The following PTPRN2 variants were observed in gnomAD, a reference collection of about 807,000 sequenced individuals.
PTPRN2 encodes the protein protein tyrosine phosphatase receptor type N2.
PTPRN2 carries 74 observed loss-of-function variants against 118.8 expected under a neutral mutation model. The observed-to-expected ratio is 0.62, with a 90% CI of 0.52 to 0.76. The LOEUF (loss-of-function observed/expected upper bound fraction) is 0.76, where lower values mean the gene tolerates loss of function less well. Ranked by LOEUF, PTPRN2 falls within the 30% of genes least tolerant of loss-of-function variation. The probability of loss-of-function intolerance (pLI) is 0.00; values close to 1 mark genes in which losing one functional copy is unlikely to be tolerated. For synonymous variants in PTPRN2, 641 were observed against 608.0 expected, an observed-to-expected ratio of 1.05 and a Z score of -0.80; for missense variants, 1,481 against 1,394.4, an observed-to-expected ratio of 1.06 and a Z score of -0.99.
chr7:157,628,564 C>T (rs928005995), intron 14 of PTPRN2, among the ~76,000 whole-genome samples: 4 of 152,210 alleles, frequency 2.6e-5, no homozygotes, highest in Non-Finnish European at 4.4e-5. Context: ...TACTTTTTGG[C>T]GTGGAGCCTT....
intron 2 of PTPRN2, among the ~76,000 whole-genome samples, chr7:158,369,622 C>T (rs956315360): frequency 3.3e-5 from 5 of 152,164 alleles, no homozygotes; most frequent in African/African-American, 1.2e-4. Context: ...GCCCTGATTA[C>T]ACATTTCCCG....
intron 2 of PTPRN2, among the ~76,000 whole-genome samples, chr7:158,340,976 C>G (rs1266741643): frequency 1.2e-5 from 1 of 82,570 alleles, no homozygotes; most frequent in East Asian, 3.7e-4. Flanking sequence ...AGATGTCACT[C>G]ACACCCACAC....
rs188895816 is a variant in PTPRN2, at chr7:157,944,565, A to G, written c.1724-45828T>C. On this transcript the variant is annotated intron_variant, in intron 11 of 22. Transcript: ENST00000389418. The surrounding 1 kb of genome is among the most constrained non-coding windows in gnomAD (Gnocchi z 4.3). ...GCAAATATAATAATTGTTTGAAAGC[A>G]TAACATTTAAATCAGAAGCATCCCT... is the stretch of plus-strand genomic sequence containing the variant. Among the ~76,000 whole-genome samples, 1 of 152,380 alleles carries G rather than the reference A, an allele frequency of 6.6e-6. No homozygotes were observed. The highest frequency in any genetic ancestry group is 6.5e-5 in the Admixed American group (1 of 15,310).
At chr7:158,221,761 A>C (rs1033035637) in intron 3 of PTPRN2, among the ~76,000 whole-genome samples, 2 of 152,206 alleles carry the variant, frequency 1.3e-5, no homozygotes, top group Non-Finnish European at 2.9e-5. Flanking sequence ...CTCCCACAAG[A>C]CGTGGAAATT....
At chr7:157,756,906 C>T (rs1479699070) in intron 12 of PTPRN2, among the ~76,000 whole-genome samples, 6 of 152,050 alleles carry the variant, frequency 3.9e-5, no homozygotes, top group Admixed American at 6.5e-5. Context: ...GAGCGCTGGT[C>T]ACTTAAGCAC....
intron 10 of PTPRN2, among the ~76,000 whole-genome samples, chr7:158,092,056 G>A (rs982267502): frequency 2.8e-5 from 4 of 141,872 alleles, no homozygotes; most frequent in African/African-American, 1.0e-4. Flanking sequence ...GATAGGTGAT[G>A]GATAGGTAGA....
At chr7:158,277,654 C>T (rs549850276) in intron 3 of PTPRN2, among the ~76,000 whole-genome samples, 3 of 152,198 alleles carry the variant, frequency 2.0e-5, no homozygotes, top group South Asian at 2.1e-4. Flanking sequence ...GGGGCTGGGA[C>T]ATATAGCTCT....
intron 1 of PTPRN2, among the ~76,000 whole-genome samples, chr7:158,531,250 G>A (rs1050304590): frequency 6.6e-6 from 1 of 152,106 alleles, no homozygotes; most frequent in African/African-American, 2.4e-5. Context: ...TCCCAGCCAC[G>A]CCCCATTACC....
intron 2 of PTPRN2, among the ~76,000 whole-genome samples, chr7:158,488,431 C>A (rs1036462457): frequency 6.6e-6 from 1 of 152,190 alleles, no homozygotes; most frequent in South Asian, 2.1e-4. Flanking sequence ...GCGCCTCCAC[C>A]GTGGCTTCCC....
intron 4 of PTPRN2, among the ~76,000 whole-genome samples, chr7:158,202,929 T>C (rs1296394212): frequency 6.6e-6 from 1 of 151,258 alleles, no homozygotes; most frequent in East Asian, 1.9e-4. Flanking sequence ...ATACAGAAAA[T>C]TCACAAAGAA....
intron 12 of PTPRN2, 40 bp downstream of exon 12, chr7:157,898,633 T>G: frequency 6.5e-7 from 1 of 1,529,116 alleles, no homozygotes. Flanking sequence ...CAGACAGCAC[T>G]GCAGATCGCA....
intron 9 of PTPRN2, among the ~76,000 whole-genome samples, chr7:158,131,332 T>TACACAC (rs56215574): frequency 5.4e-5 from 8 of 147,534 alleles, no homozygotes; most frequent in Non-Finnish European, 1.0e-4. Flanking sequence ...TACACACTCA[T>TACACAC]ACACATGCAC....
At chr7:158,138,594 G>C in intron 6 of PTPRN2, 79 bp from the exon 7 acceptor site, 2 of 1,398,932 alleles carry the variant, frequency 1.4e-6, no homozygotes, top group East Asian at 2.3e-5. Flanking sequence ...ATAGGGGTGT[G>C]GTGGGCGTCT....
At chr7:158,019,359 C>A (rs1806692409) in intron 11 of PTPRN2, among the ~76,000 whole-genome samples, 1 of 152,246 alleles carries the variant, frequency 6.6e-6, no homozygotes, top group African/African-American at 2.4e-5. Context: ...ATGGATAGGA[C>A]ATGCGATAGA....
At chr7:158,580,863 A>G (rs1478850899) in intron 1 of PTPRN2, among the ~76,000 whole-genome samples, 2 of 152,174 alleles carry the variant, frequency 1.3e-5, no homozygotes, top group African/African-American at 2.4e-5. Context: ...CCCTGCCATT[A>G]TGGGAAGGAC....
intron 12 of PTPRN2, among the ~76,000 whole-genome samples, chr7:157,888,828 T>C (rs1796634803): frequency 6.6e-6 from 1 of 152,190 alleles, no homozygotes; most frequent in African/African-American, 2.4e-5. Context: ...TTCCTTTGGT[T>C]ACATATTTTC....
At chr7:157,569,068 G>A (rs1468155327) in intron 20 of PTPRN2, 102 bp from the exon 21 acceptor site, 18 of 1,143,934 alleles carry the variant, frequency 1.6e-5, no homozygotes, top group Non-Finnish European at 1.9e-5. Flanking sequence ...TACGGGGGCC[G>A]GCGAGAGGAA....
intron 11 of PTPRN2, among the ~76,000 whole-genome samples, chr7:157,922,830 C>T (rs1399820691): frequency 6.6e-6 from 1 of 152,060 alleles, no homozygotes; most frequent in Non-Finnish European, 1.5e-5. Flanking sequence ...ACAAATAACA[C>T]AGCTAATCCT....
intron 3 of PTPRN2, among the ~76,000 whole-genome samples, chr7:158,267,616 C>T (rs2150948872): frequency 6.6e-6 from 1 of 152,306 alleles, no homozygotes; most frequent in South Asian, 2.1e-4. Context: ...GCCTGGGGGC[C>T]TGCCCCTCGC....
Sources: allele counts gnomAD v4.1 joint callset (sites outside exome capture counted in the v4.1 genomes callset), GRCh38; gene constraint gnomAD v4.1.1; non-coding constraint Gnocchi (gnomAD v3.1); transcripts MANE v1.5; gene names NCBI Gene and HGNC (gene_info 2026-07-23, HGNC 2026-07-21).